The following CACNA2D3 variants were observed in gnomAD, a reference collection of about 807,000 sequenced individuals.
The protein encoded by CACNA2D3 is voltage-dependent calcium channel subunit alpha-2/delta-3.
Under a neutral mutation model 160.6 loss-of-function variants are expected in CACNA2D3, and 60 were observed. The ratio of observed to expected loss-of-function variants is 0.37; its 90% CI spans 0.30 to 0.46. CACNA2D3 has a LOEUF of 0.46. CACNA2D3 is among the 20% of genes least tolerant of loss of function. The pLI, the probability that CACNA2D3 is intolerant of heterozygous loss-of-function variation, is 1.00. For synonymous variants in CACNA2D3, 558 were observed against 492.9 expected (o/e 1.13, Z -1.75); for missense variants, 1,205 against 1,365.0 (o/e 0.88, Z 1.85).
intron 3 of CACNA2D3, among the ~76,000 whole-genome samples, chr3:54,326,104 A>G (rs1445317957): frequency 6.6e-6 from 1 of 152,182 alleles, no homozygotes; most frequent in East Asian, 1.9e-4. Flanking sequence ...CAGTGCATTC[A>G]CGCATCAGTC....
At chr3:54,950,476 G>A (rs998500304) in intron 27 of CACNA2D3, among the ~76,000 whole-genome samples, 3 of 152,128 alleles carry the variant, frequency 2.0e-5, no homozygotes, top group African/African-American at 4.8e-5. Context: ...GCAAGGCAGC[G>A]ATATAATGCT....
At chr3:54,330,531 C>G (rs1374587755) in intron 3 of CACNA2D3, among the ~76,000 whole-genome samples, 1 of 152,144 alleles carries the variant, frequency 6.6e-6, no homozygotes, top group Non-Finnish European at 1.5e-5. Context: ...TAACCCTAAC[C>G]CAGGTTGTGG....
At chr3:54,473,615 A>G (rs371851564) in intron 4 of CACNA2D3, among the ~76,000 whole-genome samples, 1 of 152,218 alleles carries the variant, frequency 6.6e-6, no homozygotes, top group East Asian at 1.9e-4. Flanking sequence ...AATGGGAGAA[A>G]AGTTTTGTAA....
At chr3:54,801,282 C>T (rs1240022373) in intron 13 of CACNA2D3, among the ~76,000 whole-genome samples, 1 of 152,114 alleles carries the variant, frequency 6.6e-6, no homozygotes, top group Non-Finnish European at 1.5e-5. Flanking sequence ...GCCATCATGC[C>T]CGGCCTGGAA....
intron 2 of CACNA2D3, among the ~76,000 whole-genome samples, chr3:54,247,849 G>A (rs1409673235): frequency 2.0e-5 from 3 of 148,046 alleles, no homozygotes; most frequent in Non-Finnish European, 4.4e-5. Flanking sequence ...CTCCAGTCTT[G>A]TCTCATATCT....
Position 54,646,198 on chromosome 3 carries a change from C to G in CACNA2D3, c.1167+3957C>G, listed in dbSNP as rs1244720760. Reference sequence around the variant, plus strand: ...TCCCTCCCTCCCTCCTTCCTTGCTTCCTTCCTTCCTTCCTTCCTTCCTTCC... The same window carrying G: ...TCCCTCCCTCCCTCCTTCCTTGCTTGCTTCCTTCCTTCCTTCCTTCCTTCC... On this transcript the variant is annotated intron_variant, in intron 11 of 37. Transcript: ENST00000474759. Among the ~76,000 whole-genome samples, 73 of 16,586 alleles carry G rather than the reference C, an allele frequency of 4.4e-3. 2 individuals carry two copies. The highest frequency in any genetic ancestry group is 0.015 in the East Asian group (15 of 968). The allele number at this position is 16,586 out of a possible 152,430, so 10.9% of individuals were successfully genotyped here. A position where few individuals can be genotyped will look rare whatever the true frequency, so the allele number is the denominator to read the frequency against.
intron 14 of CACNA2D3, among the ~76,000 whole-genome samples, chr3:54,832,552 C>T (rs1703904274): frequency 1.3e-5 from 2 of 152,234 alleles, no homozygotes; most frequent in African/African-American, 4.8e-5. Context: ...AGACTACTTT[C>T]TCCTGCGTTT....
At chr3:54,464,560 G>A (rs1288276588) in intron 4 of CACNA2D3, among the ~76,000 whole-genome samples, 2 of 152,168 alleles carry the variant, frequency 1.3e-5, no homozygotes, top group Non-Finnish European at 2.9e-5. Context: ...GACTCCGTGG[G>A]CGTAGGACCC....
chr3:54,693,943 TCA>T (rs1382228696), intron 11 of CACNA2D3, among the ~76,000 whole-genome samples: 21 of 152,180 alleles, frequency 1.4e-4, no homozygotes, highest in Admixed American at 1.3e-3. Flanking sequence ...TTTATAAAAG[TCA>T]CAGTTAGCTT....
intron 27 of CACNA2D3, among the ~76,000 whole-genome samples, chr3:54,912,062 C>G (rs188465551): frequency 6.6e-6 from 1 of 152,104 alleles, no homozygotes; most frequent in African/African-American, 2.4e-5. Context: ...ATGCTTTCAC[C>G]GTCACTCATG....
intron 3 of CACNA2D3, among the ~76,000 whole-genome samples, chr3:54,372,495 G>T (rs1056685314): frequency 6.6e-6 from 1 of 152,124 alleles, no homozygotes; most frequent in Non-Finnish European, 1.5e-5. Flanking sequence ...ACGGGGTACA[G>T]GTGAGCATTG....
chr3:54,661,317 A>G (rs1357156270), intron 11 of CACNA2D3, among the ~76,000 whole-genome samples: 1 of 152,148 alleles, frequency 6.6e-6, no homozygotes, highest in Non-Finnish European at 1.5e-5. Context: ...TAAGATTTGG[A>G]TCACTTTAAT....
intron 5 of CACNA2D3, among the ~76,000 whole-genome samples, chr3:54,558,582 C>T (rs1243001736): frequency 1.3e-5 from 2 of 152,140 alleles, no homozygotes; most frequent in Non-Finnish European, 2.9e-5. Flanking sequence ...CCTCCACCCT[C>T]AAGTAGGCCC....
At chr3:54,656,963 T>G (rs1421920805) in intron 11 of CACNA2D3, among the ~76,000 whole-genome samples, 1 of 152,160 alleles carries the variant, frequency 6.6e-6, no homozygotes, top group Admixed American at 6.5e-5. Flanking sequence ...GCTGTTTATT[T>G]CACCTGGGTG....
chr3:54,892,843 T>C (rs766619263), intron 25 of CACNA2D3, among the ~76,000 whole-genome samples: 2 of 152,206 alleles, frequency 1.3e-5, no homozygotes, highest in Non-Finnish European at 2.9e-5. Context: ...AACTGTGTTA[T>C]TGTGATGGAT....
At chr3:54,654,385 A>G (rs1179332124) in intron 11 of CACNA2D3, among the ~76,000 whole-genome samples, 2 of 152,148 alleles carry the variant, frequency 1.3e-5, no homozygotes. Context: ...TTCCCAGTGA[A>G]TTGGACAGGA....
chr3:54,592,024 A>G (rs1479945133), intron 9 of CACNA2D3, among the ~76,000 whole-genome samples: 1 of 152,136 alleles, frequency 6.6e-6, no homozygotes, highest in East Asian at 1.9e-4. Flanking sequence ...TGGCCACTGC[A>G]GTGTTAACTT....
At chr3:54,512,366 C>T (rs1451085313) in intron 5 of CACNA2D3, among the ~76,000 whole-genome samples, 7 of 152,270 alleles carry the variant, frequency 4.6e-5, no homozygotes, top group African/African-American at 7.2e-5. Context: ...AATGAAACAA[C>T]GGATATTAAG....
intron 4 of CACNA2D3, among the ~76,000 whole-genome samples, chr3:54,501,171 C>A (rs1470001722): frequency 1.3e-5 from 2 of 152,128 alleles, no homozygotes; most frequent in African/African-American, 4.8e-5. Flanking sequence ...AATGACCACA[C>A]CACTTATTAC....
Sources: allele counts gnomAD v4.1 joint callset (sites outside exome capture counted in the v4.1 genomes callset), GRCh38; gene constraint gnomAD v4.1.1; transcripts MANE v1.5; gene names NCBI Gene and HGNC (gene_info 2026-07-23, HGNC 2026-07-21).